EGF: variants seen among roughly 807,000 people sequenced by gnomAD.
The protein encoded by EGF is epidermal growth factor.
A neutral mutation model predicts 143.8 loss-of-function variants in EGF; 95 were observed. That is an observed-to-expected ratio of 0.66 (90% CI 0.56 to 0.78). The LOEUF is 0.78. Ranked by LOEUF, EGF falls within the 30% of genes least tolerant of loss-of-function variation. EGF has a pLI of 0.00. For synonymous variants in EGF, 510 were observed against 510.5 expected (o/e 1.00, Z 0.01); for missense variants, 1,320 against 1,470.9 (o/e 0.90, Z 1.68).
intron 16 of EGF, among the ~76,000 whole-genome samples, chr4:109,984,272 A>G (rs537089906): frequency 1.3e-4 from 20 of 152,178 alleles, no homozygotes; most frequent in African/African-American, 4.8e-4. Context: ...AAATATTTCA[A>G]AACTCCACAT....
intron 13 of EGF, 28 bp from the exon 14 acceptor site, chr4:109,979,944 G>A: frequency 6.2e-7 from 1 of 1,613,326 alleles, no homozygotes; most frequent in Non-Finnish European, 8.5e-7. Flanking sequence ...CAAAGAAGGT[G>A]TATTTAACAA....
chr4:109,980,935 G>T lies in EGF; in HGVS notation c.2331G>T (p.Gly777=). 6.2e-7 allele frequency: 1 copy of T among 1,614,094 alleles called. No individual in the cohort carries two copies. Among genetic ancestry groups the T allele is most frequent in the Non-Finnish European group, 8.5e-7 (1 of 1,179,986 alleles). Residue 777 remains glycine, a synonymous_variant, in exon 15 of 24, where the codon GGG becomes GGT. Transcript: ENST00000265171. ...AAGGTTTTATGAAAGCCTCAGATGG[G>T]AAAACGTGTCTGGCTCTGGATGGTC... ...CREGFMKASD[G]KTCLALDGHQ... is the part of the protein sequence containing the mutation.
intron 16 of EGF, among the ~76,000 whole-genome samples, chr4:109,985,568 T>A (rs1750008850): frequency 6.6e-6 from 1 of 152,202 alleles, no homozygotes; most frequent in Non-Finnish European, 1.5e-5. Flanking sequence ...AGTTGTTTTT[T>A]CAGCCCATGG....
intron 16 of EGF, among the ~76,000 whole-genome samples, chr4:109,986,338 T>C (rs1750102340): frequency 6.6e-6 from 1 of 152,242 alleles, no homozygotes; most frequent in South Asian, 2.1e-4. Context: ...AGCCTTGTGA[T>C]TTGGGAGCTA....
intron 5 of EGF, 139 bp from the exon 6 acceptor site, chr4:109,959,173 T>C (rs916290731): frequency 1.5e-5 from 20 of 1,358,550 alleles, no homozygotes; most frequent in Admixed American, 1.3e-4. Context: ...GAATCTGGGC[T>C]CTGGCTAAGT....
intron 5 of EGF, among the ~76,000 whole-genome samples, chr4:109,957,154 T>C (rs1744922943): frequency 6.6e-6 from 1 of 152,146 alleles, no homozygotes; most frequent in South Asian, 2.1e-4. Flanking sequence ...TTAAATAAAA[T>C]TTATGGGAGG....
chr4:109,929,847 G>A (rs1739370064), intron 1 of EGF, among the ~76,000 whole-genome samples: 1 of 152,162 alleles, frequency 6.6e-6, no homozygotes, highest in African/African-American at 2.4e-5. Context: ...TGAGAAGAAA[G>A]CTGTGAAAAG....
rs1042262404 is a variant in EGF at position 110,004,266 on chromosome 4, C to G, written c.3174-239C>G. 4.3e-5 allele frequency: 22 copies of G among 506,042 alleles called. No homozygotes were observed. The African/African-American group carries it at 4.4e-4, about 10-fold the overall frequency. The allele number at this position is 506,042 out of a possible 1,614,324, so 31.3% of individuals were successfully genotyped here. A position where few individuals can be genotyped will look rare whatever the true frequency, so the allele number is the denominator to read the frequency against. On this transcript the variant is annotated intron_variant, in intron 21 of 23. Transcript: ENST00000265171. ...CACACACACACAAACACACACACAC[C>G]CTCTACCTCACAGAACCTTGGAAAG...
chr4:109,991,782 T>C (rs974032955), intron 18 of EGF, among the ~76,000 whole-genome samples: 3 of 152,166 alleles, frequency 2.0e-5, no homozygotes, highest in Non-Finnish European at 4.4e-5. Context: ...AGAGGTTGTT[T>C]ATTAATCTCC....
intron 18 of EGF, 138 bp downstream of exon 18, chr4:109,988,847 T>C: frequency 7.6e-7 from 1 of 1,311,136 alleles, no homozygotes; most frequent in Non-Finnish European, 1.1e-6. Flanking sequence ...TTGTGCGACC[T>C]GCTCAAACTG....
intron 11 of EGF, among the ~76,000 whole-genome samples, chr4:109,970,824 C>CAGAAAAAA (rs1747514018): frequency 1.4e-5 from 1 of 72,960 alleles, no homozygotes; most frequent in African/African-American, 5.5e-5. Context: ...GACTCCGTCT[C>CAGAAAAAA]AAAAAAAAAA....
intron 11 of EGF, among the ~76,000 whole-genome samples, chr4:109,972,219 TC>T (rs1319138339): frequency 6.6e-6 from 1 of 152,120 alleles, no homozygotes; most frequent in Non-Finnish European, 1.5e-5. Context: ...AACTCAAATA[TC>T]CCTGCTGGTC....
At chr4:109,950,072 C>T (rs777280546) in intron 5 of EGF, among the ~76,000 whole-genome samples, 21 of 152,238 alleles carry the variant, frequency 1.4e-4, no homozygotes, top group Middle Eastern at 3.4e-3. Flanking sequence ...TTCCAAGCTC[C>T]GGGTCCTGTA....
rs201626324 is a variant in EGF at position 109,913,435 on chromosome 4, G to T, written c.100G>T (p.Ala34Ser). ...CTGGAGCTGTCCTGAAGGTACTCTC[G>T]CAGGAAATGGGAATTCTACTTGTGT... is the stretch of plus-strand genomic sequence containing the variant. ...QHWSCPEGTL[A>S]GNGNSTCVGP... The change falls in exon 1 of 24, where the codon GCA becomes TCA. Residue 34 changes from alanine to serine, a missense_variant. Around this residue, in one of 5 missense-constraint regions of EGF, gnomAD observed 79 missense variants for 71.2 expected, o/e 1.11. Transcript: ENST00000265171. 5 of 1,613,642 alleles carry T rather than the reference G, an allele frequency of 3.1e-6. No individual in the cohort carries two copies. The highest frequency in any genetic ancestry group is 1.3e-5 in the African/African-American group (1 of 74,878).
chr4:109,962,026 A>G, intron 8 of EGF, 41 bp downstream of exon 8: 1 of 1,611,502 alleles, frequency 6.2e-7, no homozygotes, highest in Non-Finnish European at 8.5e-7. Context: ...TTGTTTGAAA[A>G]CATACATTTG....
chr4:109,953,377 G>C (rs1004961290), intron 5 of EGF, among the ~76,000 whole-genome samples: 5 of 152,158 alleles, frequency 3.3e-5, no homozygotes, highest in African/African-American at 1.2e-4. Flanking sequence ...TTCTAATTCT[G>C]TCACTGTTTA....
chr4:109,923,380 T>A (rs1738119743), intron 1 of EGF, among the ~76,000 whole-genome samples: 1 of 151,596 alleles, frequency 6.6e-6, no homozygotes, highest in African/African-American at 2.4e-5. Flanking sequence ...TATGTGTTTA[T>A]CCTTGCAATT....
chr4:109,940,740 T>TA, intron 1 of EGF: 1 of 572,316 alleles, frequency 1.7e-6, no homozygotes, highest in South Asian at 2.2e-5. Context: ...TCATGTCTTA[T>TA]AATCAGTTTG....
At chr4:109,963,762 A>G (rs1746095038) in intron 9 of EGF, among the ~76,000 whole-genome samples, 1 of 152,164 alleles carries the variant, frequency 6.6e-6, no homozygotes, top group Admixed American at 6.5e-5. Context: ...ATCCTTCAAC[A>G]GCCATGGAAA....
Sources: allele counts gnomAD v4.1 joint callset (sites outside exome capture counted in the v4.1 genomes callset), GRCh38; gene constraint gnomAD v4.1.1; regional missense constraint gnomAD v4.1.1; transcripts MANE v1.5; gene names NCBI Gene and HGNC (gene_info 2026-07-23, HGNC 2026-07-21).